OTOA: variants seen among roughly 807,000 people sequenced by gnomAD.
OTOA encodes the protein otoancorin.
Under a neutral mutation model 110.8 loss-of-function variants are expected in OTOA, and 70 were observed. That is an observed-to-expected ratio of 0.63 (90% CI 0.52 to 0.77). OTOA has a LOEUF of 0.77. OTOA is among the 30% of genes least tolerant of loss of function. The probability of loss-of-function intolerance (pLI) is 0.00; values close to 1 mark genes in which losing one functional copy is unlikely to be tolerated. For missense variants in OTOA, 917 were observed against 1,075.8 expected, an observed-to-expected ratio of 0.85 and a Z score of 2.06; for synonymous variants, 373 against 431.5, an observed-to-expected ratio of 0.86 and a Z score of 1.68.
chr16:21,685,449 C>T, intron 7 of OTOA, 88 bp downstream of exon 7: 4 of 1,552,670 alleles, frequency 2.6e-6, no homozygotes, highest in Non-Finnish European at 3.5e-6. Context: ...TGACTTAGGC[C>T]TTGGCACTTC....
chr16:21,708,742 TGTGCAC>T, intron 12 of OTOA, among the ~76,000 whole-genome samples: 1 of 152,196 alleles, frequency 6.6e-6, no homozygotes, highest in Non-Finnish European at 1.5e-5. Context: ...AAACCCGTTT[TGTGCAC>T]CTGCCTGAAA....
rs781595730 is a variant in OTOA at position 21,724,453 on chromosome 16, CA to C, written c.1880+1476del. On this transcript the variant is annotated intron_variant, in intron 18 of 28. Coordinates refer to ENST00000646100, the MANE Select transcript of OTOA (RefSeq NM_144672.4). ...GCAGAGTAGATAGGGGAGAGAAGGC[CA>C]GAGAGTTAAGGGACATCAGATCATG... Among the ~76,000 whole-genome samples the C allele has an allele frequency of 3.2e-3, 482 of 152,156 alleles. 1 individual carries two copies. Among genetic ancestry groups the C allele is most frequent in the Middle Eastern group, 0.017 (5 of 294 alleles).
intron 28 of OTOA, among the ~76,000 whole-genome samples, chr16:21,759,219 C>T (rs1900091203): frequency 6.6e-6 from 1 of 152,018 alleles, no homozygotes; most frequent in Non-Finnish European, 1.5e-5. Flanking sequence ...CAGAGGCAAC[C>T]AATGTTAGCA....
chr16:21,716,548 C>T (rs1007484219), intron 14 of OTOA, among the ~76,000 whole-genome samples: 1 of 151,814 alleles, frequency 6.6e-6, no homozygotes. Flanking sequence ...TCCAGCCTGG[C>T]GACAGAGGGA....
Position 21,724,088 on chromosome 16 carries a change from T to C in OTOA, c.1880+1110T>C, listed in dbSNP as rs375789374. 1.1e-4 allele frequency among the ~76,000 whole-genome samples: 16 copies of C among 152,240 alleles called. No individual in the cohort carries two copies. The East Asian group carries it at 1.4e-3, about 13-fold the overall frequency. On this transcript the variant is annotated intron_variant, in intron 18 of 28. Coordinates refer to ENST00000646100, the MANE Select transcript of OTOA (RefSeq NM_144672.4). ...TGCTTTCCAAGAAAGCCAGGTGCTG[T>C]TACACACCTCTGTTAGGACAGAGGT...
At chr16:21,701,090 C>A in intron 11 of OTOA, 63 bp downstream of exon 11, 1 of 1,609,366 alleles carries the variant, frequency 6.2e-7, no homozygotes. Context: ...CATCAGAATT[C>A]TCTGAGCAGC....
chr16:21,717,219 T>A (rs1224892470), intron 15 of OTOA, among the ~76,000 whole-genome samples, 172 bp downstream of exon 15: 1 of 152,106 alleles, frequency 6.6e-6, no homozygotes, highest in African/African-American at 2.4e-5. Flanking sequence ...GGAGGATCGC[T>A]TGACGCCAGG....
In OTOA at chr16:21,757,248, C is replaced by CT; in HGVS notation, c.3321dup (p.Arg1108Ter). ...GACGCGCCCGCTAGCGCCGGTCCCACTAGAACCTCATCCTCGCGTTCTCCC... is the reference window on the plus strand; with the variant it reads ...GACGCGCCCGCTAGCGCCGGTCCCACTTAGAACCTCATCCTCGCGTTCTCCC... On this transcript the variant is annotated frameshift_variant, in exon 28 of 29. Coordinates refer to ENST00000646100, the MANE Select transcript of OTOA (RefSeq NM_144672.4). LOFTEE classifies it high-confidence loss of function. 1.8e-6 allele frequency: 1 copy of CT among 569,832 alleles called. No individual in the cohort carries two copies. The highest frequency in any genetic ancestry group is 3.1e-6 in the Non-Finnish European group (1 of 321,114). The allele number at this position is 569,832 out of a possible 1,614,324, so 35.3% of individuals were successfully genotyped here.
At position 21,683,228 on chromosome 16, in the gene OTOA, T is replaced by C. The variant is rs547556633; in HGVS notation, c.267+1403T>C. On this transcript the variant is annotated intron_variant, in intron 6 of 28. Coordinates refer to ENST00000646100, the MANE Select transcript of OTOA (RefSeq NM_144672.4). Reference sequence around the variant, plus strand: ...AAGCCATTATTCACCTTGGTCAAGATAGAGAATAATAGCTGGCACTATTGA... The same window carrying C: ...AAGCCATTATTCACCTTGGTCAAGACAGAGAATAATAGCTGGCACTATTGA... 4.2e-4 allele frequency among the ~76,000 whole-genome samples: 64 copies of C among 152,296 alleles called. No homozygotes were observed. In the South Asian group the frequency reaches 0.013, roughly 32 times the overall value.
At chr16:21,705,381 G>A in intron 12 of OTOA, 89 bp downstream of exon 12, 1 of 1,596,650 alleles carries the variant, frequency 6.3e-7, no homozygotes, top group Non-Finnish European at 8.6e-7. Flanking sequence ...GCCTTTGGGA[G>A]AAAACACACA....
intron 24 of OTOA, among the ~76,000 whole-genome samples, chr16:21,750,412 CAAAA>C (rs761415597): frequency 1.4e-4 from 5 of 36,388 alleles, no homozygotes; most frequent in East Asian, 7.5e-4. Flanking sequence ...GACCTTGTCT[CAAAA>C]AAAAAAAAAA....
chr16:21,709,304 GTAATCCCAGC>G (rs1162438485), intron 12 of OTOA, among the ~76,000 whole-genome samples: 1 of 152,098 alleles, frequency 6.6e-6, no homozygotes, highest in Non-Finnish European at 1.5e-5. Context: ...GTGGGTGCCT[GTAATCCCAGC>G]TACTCAGAAG....
At chr16:21,711,632 C>T (rs1276996905) in intron 13 of OTOA, among the ~76,000 whole-genome samples, 5 of 152,142 alleles carry the variant, frequency 3.3e-5, no homozygotes, top group Non-Finnish European at 7.4e-5. Context: ...CCACACCCAG[C>T]GAATTTTTGT....
chr16:21,714,757 C>T (rs957156228), intron 13 of OTOA, among the ~76,000 whole-genome samples: 3 of 152,004 alleles, frequency 2.0e-5, no homozygotes, highest in Admixed American at 6.6e-5. Flanking sequence ...GTGATCCACC[C>T]GCCTGGCCTC....
intron 7 of OTOA, among the ~76,000 whole-genome samples, chr16:21,686,493 G>A (rs1259074555): frequency 1.3e-5 from 2 of 151,972 alleles, no homozygotes; most frequent in Non-Finnish European, 2.9e-5. Context: ...GGGTCTCCCT[G>A]TGTTGCCTAG....
chr16:21,675,225 C>G (rs1461129281), intron 1 of OTOA, among the ~76,000 whole-genome samples: 2 of 145,656 alleles, frequency 1.4e-5, no homozygotes, highest in Non-Finnish European at 3.0e-5. Flanking sequence ...TCTTGGCTCA[C>G]TACAACTTCC....
rs1296489708 is a variant in OTOA at position 21,681,768 on chromosome 16, C to T, written c.210C>T (p.His70=). ...ACGTGTGGACGGATGACCTGTCCCA[C>T]AGAGTCCTGGCCTATCTGAATTCCC... ...SSHVWTDDLS[H]RVLAYLNSRN... Residue 70 remains histidine (H), a synonymous_variant, in exon 6 of 29, where the codon CAC becomes CAT. Coordinates refer to ENST00000646100, the MANE Select transcript of OTOA (RefSeq NM_144672.4). 6.2e-6 allele frequency: 10 copies of T among 1,613,946 alleles called. No homozygotes were observed. The highest frequency in any genetic ancestry group is 8.5e-6 in the Non-Finnish European group (10 of 1,179,990).
chr16:21,728,874 A>G (rs1432522681), intron 20 of OTOA, among the ~76,000 whole-genome samples: 1 of 152,054 alleles, frequency 6.6e-6, no homozygotes, highest in East Asian at 1.9e-4. Flanking sequence ...GGCGTGAGTC[A>G]CCGCGCCTGG....
At chr16:21,723,033 A>G (rs1567391352) in intron 18 of OTOA, 55 bp downstream of exon 18, 5 of 1,567,882 alleles carry the variant, frequency 3.2e-6, no homozygotes, top group Non-Finnish European at 4.4e-6. Context: ...GGTGGGAATC[A>G]CTGAAGTCAA....
Sources: gnomAD v4.1 joint callset for allele counts (sites outside exome capture counted in the v4.1 genomes callset) on GRCh38, gnomAD v4.1.1 for gene constraint, MANE v1.5 for transcripts, NCBI Gene and HGNC (gene_info 2026-07-23, HGNC 2026-07-21) for gene names.